BRIP1: variants seen among roughly 807,000 people sequenced by gnomAD.
BRIP1 encodes BRCA1 interacting DNA helicase 1.
BRIP1 carries 88 observed loss-of-function variants against 119.7 expected under a neutral mutation model. The observed-to-expected ratio is 0.74, with a 90% CI of 0.62 to 0.88. The LOEUF (loss-of-function observed/expected upper bound fraction) is 0.88. Among genes scored for constraint, BRIP1 ranks in the 40% least tolerant of loss-of-function variants. BRIP1 has a pLI of 0.00. For synonymous variants in BRIP1, 443 were observed against 496.5 expected (o/e 0.89, Z 1.43); for missense variants, 1,259 against 1,455.4 (o/e 0.87, Z 2.20).
rs371160215 is a variant in BRIP1 at position 61,823,796 on chromosome 17, A to ACACACACACACACACACC, written c.628-15040_628-15039insGGTGTGTGTGTGTGTGTG. On this transcript the variant is annotated intron_variant, in intron 6 of 19. Coordinates refer to ENST00000259008, the MANE Select transcript of BRIP1 (RefSeq NM_032043.3). The surrounding 1 kb of genome is among the most constrained non-coding windows in gnomAD (Gnocchi z 4.8). ...CACACACACACACACACACACACAC[A>ACACACACACACACACACC]CCTTAGTTGAATTGCTGAAAGCAGA... 3.4e-5 allele frequency among the ~76,000 whole-genome samples: 5 copies of ACACACACACACACACACC among 148,936 alleles called. No homozygotes were observed. The highest frequency in any genetic ancestry group is 1.2e-4 in the African/African-American group (5 of 40,028).
rs1603274409 is a variant in BRIP1 at position 61,682,990 on chromosome 17, G to A, written c.*306C>T. 2 of 313,442 alleles carry A rather than the reference G, an allele frequency of 6.4e-6. No individual in the cohort carries two copies. Among genetic ancestry groups the A allele is most frequent in the East Asian group, 1.1e-4 (2 of 17,770 alleles). 19.4% of individuals were successfully genotyped at this position (313,442 alleles called of 1,614,324 possible). A position where few individuals can be genotyped will look rare whatever the true frequency, so the allele number is the denominator to read the frequency against. ...CTACTAAAAATACAAAAACTAGCTG[G>A]GCATGGTGGTGCACACCTGTAGTCC... On this transcript the variant is annotated 3_prime_UTR_variant, in exon 20 of 20. Transcript: ENST00000259008. The surrounding 1 kb of genome is among the most constrained non-coding windows in gnomAD (Gnocchi z 4.9).
intron 10 of BRIP1, 74 bp from the exon 11 acceptor site, chr17:61,784,498 T>A (rs2077674731): frequency 7.3e-7 from 1 of 1,365,268 alleles, no homozygotes. Flanking sequence ...AAAAATACAA[T>A]GAAACCCAAC....
Position 61,781,044 on chromosome 17 carries a change from T to G in BRIP1, c.1629-39A>C, listed in dbSNP as rs1173823848. 5.0e-6 allele frequency: 8 copies of G among 1,599,090 alleles called. No homozygotes were observed. In the African/African-American group the frequency reaches 1.1e-4, roughly 21 times the overall value. ...AAGTGCTAATTAAGTGGCAAAACTT[T>G]TAAAACCTATGACCCAGCTACATAC... On this transcript the variant is annotated intron_variant, in intron 11 of 19. Coordinates refer to ENST00000259008, the MANE Select transcript of BRIP1 (RefSeq NM_032043.3).
In BRIP1 at chr17:61,722,939, CA is replaced by C. The variant is rs2062006054; in HGVS notation, c.2380-6877del. 6.6e-6 allele frequency among the ~76,000 whole-genome samples: 1 copy of C among 151,840 alleles called. No homozygotes were observed. The highest frequency in any genetic ancestry group is 1.5e-5 in the Non-Finnish European group (1 of 67,924). On this transcript the variant is annotated intron_variant, in intron 16 of 19. Transcript: ENST00000259008. The surrounding 1 kb of genome is among the most constrained non-coding windows in gnomAD (Gnocchi z 4.6). ...AAAAGTTTAAAAACCTACAAAAGAA[CA>C]AAAAACTCCCAAACAAAAAACAAAA...
chr17:61,830,112 A>C lies in BRIP1; in HGVS notation c.627+16989T>G, dbSNP rs559149512. Among the ~76,000 whole-genome samples, 13 of 151,652 alleles carry C rather than the reference A, an allele frequency of 8.6e-5. No individual in the cohort carries two copies. In the East Asian group the frequency reaches 2.3e-3, roughly 27 times the overall value. ...CATGCCTGGCTAATTGTTTGTATTTATAATAGAGACAGGGTTTTGCCACGT... is the reference window on the plus strand; with the variant it reads ...CATGCCTGGCTAATTGTTTGTATTTCTAATAGAGACAGGGTTTTGCCACGT... On this transcript the variant is annotated intron_variant, in intron 6 of 19. Transcript: ENST00000259008.
Position 61,799,278 on chromosome 17 carries a change from G to A in BRIP1, c.1162C>T (p.Gln388Ter), listed in dbSNP as rs1304655615. ...TGAGCTTCATCTAAAATGACAACCT[G>A]TTCTTTCAGATTTAAATCCATCTAT... is the stretch of plus-strand genomic sequence containing the variant. ...RESMDLNLKE[Q>*]VVILDEAHNI... The change falls in exon 9 of 20, where the codon CAG becomes TAG. Residue 388 changes from glutamine (Q) to a stop codon, truncating the protein, a stop_gained. Coordinates refer to ENST00000259008, the MANE Select transcript of BRIP1 (RefSeq NM_032043.3). LOFTEE classifies it high-confidence loss of function. This position sits in a 1 kb window ranked among gnomAD's most constrained non-coding sequence, Gnocchi z 5.1. 1 of 1,612,692 alleles carries A rather than the reference G, an allele frequency of 6.2e-7. No homozygotes were observed. The highest frequency in any genetic ancestry group is 1.1e-5 in the South Asian group (1 of 91,004).
At position 61,705,672 on chromosome 17, in the gene BRIP1, A is replaced by G. The variant is rs2061681301; in HGVS notation, c.2492+10279T>C. Among the ~76,000 whole-genome samples the G allele has an allele frequency of 6.6e-6, 1 of 152,130 alleles. No homozygotes were observed. Among genetic ancestry groups the G allele is most frequent in the African/African-American group, 2.4e-5 (1 of 41,434 alleles). ...CAATGATTTGAGGATGTTTTTTCCT[A>G]AAATAAGCATTTAATGACATAAATA... On this transcript the variant is annotated intron_variant, in intron 17 of 19. Coordinates refer to ENST00000259008, the MANE Select transcript of BRIP1 (RefSeq NM_032043.3). The surrounding 1 kb of genome is among the most constrained non-coding windows in gnomAD (Gnocchi z 5.0).
Position 61,682,057 on chromosome 17 carries a change from G to T in BRIP1, c.*1239C>A, listed in dbSNP as rs1042958451. 9.8e-6 allele frequency: 2 copies of T among 203,586 alleles called. No homozygotes were observed. The highest frequency in any genetic ancestry group is 2.0e-5 in the Non-Finnish European group (2 of 99,506). The allele number at this position is 203,586 out of a possible 1,614,324, so 12.6% of individuals were successfully genotyped here. A position where few individuals can be genotyped will look rare whatever the true frequency, so the allele number is the denominator to read the frequency against. Reference sequence around the variant, plus strand: ...ATGAGCCTCTTTTATAATCATTTTTGATTAGACATATAGCTTCATTCACAA... The same window carrying T: ...ATGAGCCTCTTTTATAATCATTTTTTATTAGACATATAGCTTCATTCACAA... On this transcript the variant is annotated 3_prime_UTR_variant, in exon 20 of 20. Transcript: ENST00000259008. The surrounding 1 kb of genome is among the most constrained non-coding windows in gnomAD (Gnocchi z 4.9).
intron 6 of BRIP1, among the ~76,000 whole-genome samples, chr17:61,840,496 G>C (rs1010490029): frequency 3.3e-5 from 5 of 151,978 alleles, no homozygotes; most frequent in Non-Finnish European, 7.4e-5. Context: ...GAACTACAAG[G>C]CCAGGTGCAG....
intron 18 of BRIP1, among the ~76,000 whole-genome samples, chr17:61,688,615 C>T (rs2061396034): frequency 6.6e-6 from 1 of 151,994 alleles, no homozygotes; most frequent in African/African-American, 2.4e-5. Flanking sequence ...TTTCCCTGTA[C>T]AAAACCAGTT....
chr17:61,817,227 CTG>C (rs2078249684), intron 6 of BRIP1, among the ~76,000 whole-genome samples: 2 of 151,980 alleles, frequency 1.3e-5, no homozygotes. Context: ...AATAGAGAAA[CTG>C]TGGTAAAAAG....
At position 61,780,384 on chromosome 17, in the gene BRIP1, A is replaced by G; in HGVS notation, c.1812T>C (p.Asn604=). ...TCAAAACAATGGTCTGAACTTTGCC[A>G]TTAATATCTGAAAAGGCCTAAAAGA... ...LNPAVAFSDI[N]GKVQTIVLTS... is the part of the protein sequence containing the mutation. The change falls in exon 13 of 20, where the codon AAT becomes AAC. Residue 604 remains asparagine (N), a synonymous_variant. Coordinates refer to ENST00000259008, the MANE Select transcript of BRIP1 (RefSeq NM_032043.3). This position sits in a 1 kb window ranked among gnomAD's most constrained non-coding sequence, Gnocchi z 5.4. 6.2e-7 allele frequency: 1 copy of G among 1,610,564 alleles called. No individual in the cohort carries two copies.
rs770906761 is a variant in BRIP1, at chr17:61,685,568, C to T, written c.2905+268G>A. 2.9e-5 allele frequency: 14 copies of T among 477,412 alleles called. No individual in the cohort carries two copies. In the Admixed American group the frequency reaches 3.1e-4, roughly 10 times the overall value. 29.6% of individuals were successfully genotyped at this position (477,412 alleles called of 1,614,324 possible). A position where few individuals can be genotyped will look rare whatever the true frequency, so the allele number is the denominator to read the frequency against. ...GGCAGGCATTTTTTTTTTCCTATTACGACTCAAAAAGGACAAATGACTTGC... is the reference window on the plus strand; with the variant it reads ...GGCAGGCATTTTTTTTTTCCTATTATGACTCAAAAAGGACAAATGACTTGC... On this transcript the variant is annotated intron_variant, in intron 19 of 19. Coordinates refer to ENST00000259008, the MANE Select transcript of BRIP1 (RefSeq NM_032043.3).
chr17:61,749,307 GA>G (rs1008600589), intron 14 of BRIP1, among the ~76,000 whole-genome samples: 1 of 151,062 alleles, frequency 6.6e-6, no homozygotes, highest in Non-Finnish European at 1.5e-5. Context: ...AAAGTAAAGG[GA>G]AAAAAAAGAG....
intron 13 of BRIP1, among the ~76,000 whole-genome samples, chr17:61,779,490 T>A (rs1400772394): frequency 2.0e-5 from 3 of 151,846 alleles, no homozygotes; most frequent in Admixed American, 2.0e-4. Flanking sequence ...CATGGTGGCA[T>A]ACACCCATAA....
intron 17 of BRIP1, among the ~76,000 whole-genome samples, chr17:61,698,579 A>G (rs983595016): frequency 2.6e-5 from 4 of 152,116 alleles, no homozygotes; most frequent in African/African-American, 9.7e-5. Context: ...CCCATTATTG[A>G]GCAGGGTATG....
At position 61,753,770 on chromosome 17, in the gene BRIP1, AAAGAAC is replaced by A. The variant is rs869245717; in HGVS notation, c.2098-9185_2098-9180del. ...GTATGCACTGCCATGTCTGGCTTGA[AAAGAAC>A]AACAACAACAACAACAACAAAAAAC... On this transcript the variant is annotated intron_variant, in intron 14 of 19. Transcript: ENST00000259008. The surrounding 1 kb of genome is among the most constrained non-coding windows in gnomAD (Gnocchi z 4.6). Among the ~76,000 whole-genome samples, 30 of 150,156 alleles carry A rather than the reference AAAGAAC, an allele frequency of 2.0e-4. No individual in the cohort carries two copies. The highest frequency in any genetic ancestry group is 5.9e-4 in the African/African-American group (24 of 40,902).
rs2145311677 is a variant in BRIP1 at position 61,799,335 on chromosome 17, G to A, written c.1141-36C>T. On this transcript the variant is annotated intron_variant, in intron 8 of 19. Coordinates refer to ENST00000259008, the MANE Select transcript of BRIP1 (RefSeq NM_032043.3). This position sits in a 1 kb window ranked among gnomAD's most constrained non-coding sequence, Gnocchi z 5.1. ...AAAGAATTTTCTTGTAAAACATTTGGCAAAATAGATTTAACAACAGCAGGC... is the reference window on the plus strand; with the variant it reads ...AAAGAATTTTCTTGTAAAACATTTGACAAAATAGATTTAACAACAGCAGGC... 1 of 1,534,888 alleles carries A rather than the reference G, an allele frequency of 6.5e-7. No individual in the cohort carries two copies. The highest frequency in any genetic ancestry group is 9.0e-7 in the Non-Finnish European group (1 of 1,112,534).
At chr17:61,839,989 G>A (rs1244647642) in intron 6 of BRIP1, among the ~76,000 whole-genome samples, 1 of 152,052 alleles carries the variant, frequency 6.6e-6, no homozygotes, top group Non-Finnish European at 1.5e-5. Flanking sequence ...ACTCAACCAA[G>A]GGCACAGTAG....
Sources: gnomAD v4.1 joint callset for allele counts (sites outside exome capture counted in the v4.1 genomes callset) on GRCh38, gnomAD v4.1.1 for gene constraint, Gnocchi (gnomAD v3.1) non-coding constraint, MANE v1.5 for transcripts, NCBI Gene and HGNC (gene_info 2026-07-23, HGNC 2026-07-21) for gene names.